PPARG: variants seen among roughly 807,000 people sequenced by gnomAD.
The protein encoded by PPARG is peroxisome proliferator activated receptor gamma, also known as peroxisome proliferator-activated receptor gamma.
PPARG carries 17 observed loss-of-function variants against 39.2 expected under a neutral mutation model. The observed-to-expected ratio is 0.43, with a 90% CI of 0.30 to 0.65. The LOEUF is 0.65. Ranked by LOEUF, PPARG falls within the 30% of genes least tolerant of loss-of-function variation. The pLI, the probability that PPARG is intolerant of heterozygous loss-of-function variation, is 0.13. For synonymous variants in PPARG, 223 were observed against 215.7 expected (o/e 1.03, Z -0.30); for missense variants, 406 against 585.9 (o/e 0.69, Z 3.17).
chr3:12,389,660 G>A (rs906310709), intron 4 of PPARG, among the ~76,000 whole-genome samples: 2 of 152,138 alleles, frequency 1.3e-5, no homozygotes, highest in African/African-American at 4.8e-5. Flanking sequence ...GGAGGCCAAG[G>A]TGGGTGGATC....
chr3:12,351,706 AC>A, intron 2 of PPARG: 1 of 1,527,824 alleles, frequency 6.5e-7, no homozygotes. Context: ...GCTATTGGGG[AC>A]GTGGGGGCAT....
At chr3:12,412,860 C>G (rs1172210304) in intron 6 of PPARG, among the ~76,000 whole-genome samples, 3 of 152,192 alleles carry the variant, frequency 2.0e-5, no homozygotes, top group African/African-American at 7.2e-5. Context: ...AGCTTTCTTT[C>G]CTGTTAAGGA....
intron 2 of PPARG, among the ~76,000 whole-genome samples, chr3:12,343,786 A>G (rs1450138070): frequency 6.6e-6 from 1 of 151,828 alleles, no homozygotes; most frequent in Non-Finnish European, 1.5e-5. Context: ...CCCATTATCT[A>G]ATCATAACAT....
At chr3:12,311,776 A>G (rs17036263) in intron 1 of PPARG, among the ~76,000 whole-genome samples, 3,407 of 152,232 alleles carry the variant, frequency 0.022, 130 homozygotes, top group African/African-American at 0.077. Flanking sequence ...CCCTAGGACC[A>G]TTTACTTAGA....
intron 7 of PPARG, among the ~76,000 whole-genome samples, chr3:12,427,405 T>C (rs529184334): frequency 2.4e-4 from 37 of 152,332 alleles, no homozygotes; most frequent in African/African-American, 8.9e-4. Context: ...AGCTCCTGAA[T>C]TTCTGCTCTA....
chr3:12,379,033 G>T (rs949827677), intron 2 of PPARG, among the ~76,000 whole-genome samples: 4 of 151,970 alleles, frequency 2.6e-5, no homozygotes, highest in African/African-American at 9.7e-5. Context: ...TTGAGGTGGA[G>T]TCTTGCTCTG....
At chr3:12,424,265 T>G (rs1380165058) in intron 7 of PPARG, among the ~76,000 whole-genome samples, 1 of 152,194 alleles carries the variant, frequency 6.6e-6, no homozygotes, top group Non-Finnish European at 1.5e-5. Flanking sequence ...ACTTTAAACA[T>G]ATACATATAC....
At chr3:12,322,983 T>G (rs2047588943) in intron 2 of PPARG, among the ~76,000 whole-genome samples, 1 of 151,930 alleles carries the variant, frequency 6.6e-6, no homozygotes, top group South Asian at 2.1e-4. Flanking sequence ...TGTATTTTTT[T>G]TTAATAGAGG....
chr3:12,332,628 A>G (rs2047893589), intron 2 of PPARG, among the ~76,000 whole-genome samples: 1 of 152,180 alleles, frequency 6.6e-6, no homozygotes, highest in African/African-American at 2.4e-5. Context: ...CAGCATTATT[A>G]ATGTCATCCA....
intron 2 of PPARG, among the ~76,000 whole-genome samples, chr3:12,322,800 GT>G (rs2047582170): frequency 6.6e-6 from 1 of 151,976 alleles, no homozygotes; most frequent in Non-Finnish European, 1.5e-5. Flanking sequence ...TTTTTTGTTT[GT>G]TTGTTTGTTT....
chr3:12,311,791 C>T (rs2047253009), intron 1 of PPARG, among the ~76,000 whole-genome samples: 1 of 152,176 alleles, frequency 6.6e-6, no homozygotes, highest in African/African-American at 2.4e-5. Context: ...CTTAGATGAT[C>T]TGCTCTCTGG....
At chr3:12,350,429 T>C (rs2048447309) in intron 2 of PPARG, among the ~76,000 whole-genome samples, 1 of 152,158 alleles carries the variant, frequency 6.6e-6, no homozygotes, top group African/African-American at 2.4e-5. Context: ...ATTAACCAGA[T>C]ATATATTTAT....
intron 2 of PPARG, among the ~76,000 whole-genome samples, chr3:12,359,730 A>G (rs192417634): frequency 2.1e-5 from 3 of 143,126 alleles, no homozygotes; most frequent in Admixed American, 1.4e-4. Context: ...GCTGAAGTGC[A>G]GTGGCGCCGT....
At chr3:12,324,816 T>C (rs1204108408) in intron 2 of PPARG, among the ~76,000 whole-genome samples, 3 of 152,162 alleles carry the variant, frequency 2.0e-5, no homozygotes, top group Non-Finnish European at 2.9e-5. Context: ...TTTCCTCTTA[T>C]TAAAAATTGT....
At chr3:12,418,448 A>G (rs756199935) in intron 7 of PPARG, among the ~76,000 whole-genome samples, 102 of 152,218 alleles carry the variant, frequency 6.7e-4, no homozygotes, top group Admixed American at 2.1e-3. Flanking sequence ...GGTAAACTGT[A>G]TATAACTGCA....
intron 1 of PPARG, among the ~76,000 whole-genome samples, chr3:12,310,458 C>CTT (rs1204347882): frequency 0.023 from 1,586 of 69,838 alleles, 63 homozygotes; most frequent in East Asian, 0.041. Context: ...TATTTGAGCC[C>CTT]TTTTTTTTTT....
chr3:12,358,247 A>G (rs1041598328), intron 2 of PPARG, among the ~76,000 whole-genome samples: 2 of 152,196 alleles, frequency 1.3e-5, no homozygotes, highest in East Asian at 1.9e-4. Flanking sequence ...TGATACTTCC[A>G]TTATTTATTT....
At chr3:12,412,077 G>A (rs1248681566) in intron 6 of PPARG, among the ~76,000 whole-genome samples, 1 of 152,140 alleles carries the variant, frequency 6.6e-6, no homozygotes, top group East Asian at 1.9e-4. Context: ...CATTCAATCT[G>A]CCAAATTAGA....
intron 2 of PPARG, among the ~76,000 whole-genome samples, chr3:12,359,633 C>A (rs1023615995): frequency 3.3e-5 from 5 of 150,198 alleles, no homozygotes; most frequent in Non-Finnish European, 7.4e-5. Context: ...TATATCAGTT[C>A]TAAAGCAAAA....
Sources: allele counts gnomAD v4.1 joint callset (sites outside exome capture counted in the v4.1 genomes callset), GRCh38; gene constraint gnomAD v4.1.1; transcripts MANE v1.5; gene names NCBI Gene and HGNC (gene_info 2026-07-23, HGNC 2026-07-21).